The following FAAH2 variants were observed in gnomAD, a reference collection of about 807,000 sequenced individuals.
The protein encoded by FAAH2 is fatty acid amide hydrolase 2.
FAAH2 carries 60 observed loss-of-function variants against 36.9 expected under a neutral mutation model. The ratio of observed to expected loss-of-function variants is 1.63; its 90% CI spans 1.32 to 2.02. The LOEUF (loss-of-function observed/expected upper bound fraction) is 2.02, where lower values mean the gene tolerates loss of function less well. Ranked by LOEUF, FAAH2 falls within the 30% of genes most tolerant of loss-of-function variation. FAAH2 has a pLI of 0.00. For missense variants in FAAH2, 689 were observed against 397.5 expected (o/e 1.73, Z -6.23); for synonymous variants, 214 against 143.8 (o/e 1.49, Z -3.49).
the FAAH2 span, among the ~76,000 whole-genome samples, chrX:57,252,075 C>T: frequency 8.9e-6 from 1 of 112,873 alleles, no homozygotes; most frequent in East Asian, 2.8e-4. Context: ...AGGAGACCTG[C>T]CTGGCTTGGT....
At chrX:57,302,694 C>T (rs1013152902) in intron 2 of FAAH2, among the ~76,000 whole-genome samples, 2 of 111,352 alleles carry the variant, frequency 1.8e-5, no homozygotes, top group Non-Finnish European at 3.8e-5. Flanking sequence ...CTACCACTGG[C>T]TGTACTTGAA....
chrX:57,212,528 A>G, the FAAH2 span, among the ~76,000 whole-genome samples: 4 of 112,764 alleles, frequency 3.5e-5, no homozygotes, highest in Admixed American at 1.9e-4. Flanking sequence ...TTTAAAAAAT[A>G]AAACAAAACT....
At position 57,483,993 on chromosome X, in the gene FAAH2, C is replaced by T. The variant is rs191508167; in HGVS notation, c.1424-4764C>T. ...GCTAATTTTGTATTTTTAGTAGAGA[C>T]GGGATTTCTCCATGTTGGTCAGGCT... On this transcript the variant is annotated intron_variant, in intron 10 of 10. Coordinates refer to ENST00000374900, the MANE Select transcript of FAAH2 (RefSeq NM_174912.4). Among the ~76,000 whole-genome samples, 11 of 109,057 alleles carry T rather than the reference C, an allele frequency of 1.0e-4. No homozygotes were observed. In the East Asian group the frequency reaches 2.3e-3, roughly 23 times the overall value. 94.7% of individuals were successfully genotyped at this position (109,057 alleles called of 115,157 possible). A position where few individuals can be genotyped will look rare whatever the true frequency, so the allele number is the denominator to read the frequency against.
At chrX:57,252,287 C>G in the FAAH2 span, among the ~76,000 whole-genome samples, 155 of 112,879 alleles carry the variant, frequency 1.4e-3, no homozygotes, top group African/African-American at 4.7e-3. Context: ...TACTGCCTTT[C>G]TAGATTCCAC....
chrX:57,149,265 G>T, the FAAH2 span, among the ~76,000 whole-genome samples: 1 of 111,488 alleles, frequency 9.0e-6, no homozygotes, highest in Non-Finnish European at 1.9e-5. Context: ...GATGATGCTG[G>T]CCTTATAAAA....
chrX:57,180,638 AAACAAC>A, the FAAH2 span, among the ~76,000 whole-genome samples: 2 of 110,966 alleles, frequency 1.8e-5, no homozygotes, highest in African/African-American at 3.3e-5. Flanking sequence ...CCTGCCAACC[AAACAAC>A]AACAACAACA....
intron 7 of FAAH2, among the ~76,000 whole-genome samples, chrX:57,386,492 A>T (rs954761576): frequency 8.9e-6 from 1 of 111,755 alleles, no homozygotes; most frequent in African/African-American, 3.2e-5. Context: ...AGCCAGGAGC[A>T]GGAGGAAAAA....
At chrX:57,190,552 A>T in the FAAH2 span, among the ~76,000 whole-genome samples, 3 of 110,610 alleles carry the variant, frequency 2.7e-5, no homozygotes, top group African/African-American at 6.6e-5. Context: ...ACATAAGGGA[A>T]TCTCTTGGTC....
intron 5 of FAAH2, among the ~76,000 whole-genome samples, chrX:57,370,977 G>T (rs891187820): frequency 1.8e-5 from 2 of 111,938 alleles, no homozygotes; most frequent in African/African-American, 6.5e-5. Context: ...GACATTTACA[G>T]AACATTCCAC....
chrX:57,475,749 T>A (rs760991567), intron 10 of FAAH2, among the ~76,000 whole-genome samples: 13 of 112,286 alleles, frequency 1.2e-4, no homozygotes, highest in Non-Finnish European at 2.3e-4. Context: ...GATAGCTTGA[T>A]GGGAATAGCA....
At chrX:57,342,782 C>T (rs1331655801) in intron 5 of FAAH2, among the ~76,000 whole-genome samples, 3 of 110,873 alleles carry the variant, frequency 2.7e-5, no homozygotes, top group African/African-American at 6.6e-5. Context: ...TCCCATCCTC[C>T]ACCTTTAAGT....
At chrX:57,469,684 G>A (rs1227863933) in intron 10 of FAAH2, among the ~76,000 whole-genome samples, 2 of 111,571 alleles carry the variant, frequency 1.8e-5, no homozygotes, top group Non-Finnish European at 3.8e-5. Context: ...ACATTAGACA[G>A]ATCAGTGAGA....
At chrX:57,376,124 C>T (rs2054669402) in intron 5 of FAAH2, among the ~76,000 whole-genome samples, 1 of 111,539 alleles carries the variant, frequency 9.0e-6, no homozygotes, top group African/African-American at 3.3e-5. Flanking sequence ...AGTATAACTA[C>T]AGGCTGTACT....
intron 5 of FAAH2, among the ~76,000 whole-genome samples, chrX:57,376,340 C>G (rs2054677320): frequency 9.0e-6 from 1 of 111,070 alleles, no homozygotes; most frequent in Non-Finnish European, 1.9e-5. Context: ...CACCCATCAA[C>G]CAGTCACCTA....
At chrX:57,371,504 T>A (rs1199684690) in intron 5 of FAAH2, among the ~76,000 whole-genome samples, 1 of 111,362 alleles carries the variant, frequency 9.0e-6, no homozygotes, top group African/African-American at 3.3e-5. Context: ...CCTAGTTTGA[T>A]TCCATGTCTT....
At chrX:57,454,779 A>G (rs1458795045) in intron 10 of FAAH2, among the ~76,000 whole-genome samples, 1 of 111,932 alleles carries the variant, frequency 8.9e-6, no homozygotes, top group African/African-American at 3.2e-5. Context: ...TGAAAATGAA[A>G]AAATCCTTTG....
At chrX:57,408,395 T>C (rs930064734) in intron 7 of FAAH2, among the ~76,000 whole-genome samples, 19 of 111,233 alleles carry the variant, frequency 1.7e-4, no homozygotes, top group Admixed American at 1.3e-3. Flanking sequence ...TGTGTTAGTA[T>C]TTTAATCATT....
At chrX:57,142,165 A>C in the FAAH2 span, among the ~76,000 whole-genome samples, 2 of 111,059 alleles carry the variant, frequency 1.8e-5, no homozygotes, top group African/African-American at 6.5e-5. Flanking sequence ...ATTTGTTCTT[A>C]ATTTTCTACT....
the FAAH2 span, among the ~76,000 whole-genome samples, chrX:57,247,251 A>T: frequency 2.7e-5 from 3 of 111,471 alleles, no homozygotes; most frequent in East Asian, 8.5e-4. Flanking sequence ...AATAAGGATA[A>T]GTTACATATT....
Sources: allele counts gnomAD v4.1 joint callset (sites outside exome capture counted in the v4.1 genomes callset), GRCh38; gene constraint gnomAD v4.1.1; transcripts MANE v1.5; gene names NCBI Gene and HGNC (gene_info 2026-07-23, HGNC 2026-07-21).